The following CHST11 variants were observed in gnomAD, a reference collection of about 807,000 sequenced individuals.
The protein encoded by CHST11 is carbohydrate sulfotransferase 11.
A neutral mutation model predicts 30.4 loss-of-function variants in CHST11; 9 were observed. The ratio of observed to expected loss-of-function variants is 0.30; its 90% CI spans 0.18 to 0.52. CHST11 has a LOEUF of 0.52. Ranked by LOEUF, CHST11 falls within the 20% of genes least tolerant of loss-of-function variation. The pLI is 0.97. For missense variants in CHST11, 348 were observed against 460.6 expected (o/e 0.76, Z 2.24); for synonymous variants, 152 against 187.8 (o/e 0.81, Z 1.56).
At chr12:104,515,880 T>C (rs949494400) in intron 1 of CHST11, among the ~76,000 whole-genome samples, 1 of 152,182 alleles carries the variant, frequency 6.6e-6, no homozygotes, top group African/African-American at 2.4e-5. Context: ...GGTGCAAGCA[T>C]TGGAGATGGT....
intron 2 of CHST11, among the ~76,000 whole-genome samples, chr12:104,629,234 T>A (rs968853391): frequency 6.6e-6 from 1 of 152,228 alleles, no homozygotes; most frequent in Non-Finnish European, 1.5e-5. Flanking sequence ...ATACTTTTTT[T>A]AAATCCCACA....
intron 1 of CHST11, among the ~76,000 whole-genome samples, chr12:104,492,735 A>G (rs1437332449): frequency 6.6e-6 from 1 of 152,228 alleles, no homozygotes; most frequent in Non-Finnish European, 1.5e-5. Context: ...GGTTTTAGTA[A>G]TAAGAATCCA....
intron 2 of CHST11, among the ~76,000 whole-genome samples, chr12:104,657,139 A>G (rs995419849): frequency 1.3e-5 from 2 of 152,018 alleles, no homozygotes; most frequent in East Asian, 3.9e-4. Flanking sequence ...CTGCCATCCC[A>G]GTTTGTTTTT....
intron 1 of CHST11, among the ~76,000 whole-genome samples, chr12:104,598,063 T>C (rs1401905692): frequency 6.6e-6 from 1 of 152,208 alleles, no homozygotes; most frequent in Non-Finnish European, 1.5e-5. Context: ...GTGAACTGCT[T>C]GGCGAAGCAT....
chr12:104,468,651 T>G (rs1017927891), intron 1 of CHST11, among the ~76,000 whole-genome samples: 4 of 152,216 alleles, frequency 2.6e-5, no homozygotes, highest in African/African-American at 9.7e-5. Flanking sequence ...CCAATGCCCC[T>G]CCTTGAGAAA....
At chr12:104,520,058 T>C (rs1409282536) in intron 1 of CHST11, among the ~76,000 whole-genome samples, 2 of 152,212 alleles carry the variant, frequency 1.3e-5, no homozygotes, top group Non-Finnish European at 2.9e-5. Flanking sequence ...ATGTTCCTTA[T>C]GTCTTAGCTT....
intron 2 of CHST11, among the ~76,000 whole-genome samples, chr12:104,728,864 C>A (rs1255033668): frequency 1.3e-5 from 2 of 152,120 alleles, no homozygotes; most frequent in East Asian, 3.9e-4. Flanking sequence ...AAAGGGGAAG[C>A]TCCAAGGTAG....
At chr12:104,519,942 C>A (rs2038060069) in intron 1 of CHST11, among the ~76,000 whole-genome samples, 1 of 152,122 alleles carries the variant, frequency 6.6e-6, no homozygotes, top group Non-Finnish European at 1.5e-5. Context: ...GGACAGTAGT[C>A]TGGTTTTCCT....
chr12:104,579,571 T>C (rs2038719094), intron 1 of CHST11, among the ~76,000 whole-genome samples: 1 of 152,240 alleles, frequency 6.6e-6, no homozygotes, highest in African/African-American at 2.4e-5. Flanking sequence ...AATGGGCTAC[T>C]ATCTTACTGT....
chr12:104,544,322 T>C (rs1362778921), intron 1 of CHST11, among the ~76,000 whole-genome samples: 2 of 151,982 alleles, frequency 1.3e-5, no homozygotes, highest in African/African-American at 4.8e-5. Context: ...ACTGAGAAAA[T>C]GTAAACTATG....
At chr12:104,633,090 C>A (rs971242248) in intron 2 of CHST11, among the ~76,000 whole-genome samples, 1 of 152,156 alleles carries the variant, frequency 6.6e-6, no homozygotes, top group African/African-American at 2.4e-5. Context: ...TATAAATGCA[C>A]GAAAGCAGCT....
chr12:104,672,805 G>A (rs1036663053), intron 2 of CHST11, among the ~76,000 whole-genome samples: 15 of 152,226 alleles, frequency 9.9e-5, no homozygotes, highest in Non-Finnish European at 1.6e-4. Context: ...CATGCCTCCC[G>A]CATGGCACCT....
At chr12:104,720,731 GA>G (rs10711712) in intron 2 of CHST11, among the ~76,000 whole-genome samples, 60,472 of 148,746 alleles carry the variant, frequency 0.41, 13,289 homozygotes, top group East Asian at 0.6. Context: ...TTAAAAAGGG[GA>G]AAAAAAAAAT....
At chr12:104,575,286 A>G (rs980292052) in intron 1 of CHST11, among the ~76,000 whole-genome samples, 93 of 152,172 alleles carry the variant, frequency 6.1e-4, no homozygotes, top group African/African-American at 2.0e-3. Flanking sequence ...TAAACAGGAT[A>G]CACAATCCAG....
At chr12:104,616,658 G>C (rs1384225165) in intron 2 of CHST11, among the ~76,000 whole-genome samples, 1 of 152,140 alleles carries the variant, frequency 6.6e-6, no homozygotes, top group Non-Finnish European at 1.5e-5. Flanking sequence ...TAGAGGCAGG[G>C]TTTCACCACA....
At chr12:104,547,086 G>C (rs1052736252) in intron 1 of CHST11, among the ~76,000 whole-genome samples, 6 of 152,192 alleles carry the variant, frequency 3.9e-5, no homozygotes, top group Non-Finnish European at 8.8e-5. Context: ...TTTTTCTCTA[G>C]CTGAGTCTAG....
Position 104,693,257 on chromosome 12 carries a change from C to T in CHST11, c.205-63692C>T, listed in dbSNP as rs549571972. 2.8e-4 allele frequency among the ~76,000 whole-genome samples: 42 copies of T among 152,324 alleles called. 1 individual carries two copies. Among genetic ancestry groups the T allele is most frequent in the Admixed American group, 9.8e-4 (15 of 15,302 alleles). ...TCTGAAGTGCTGGGGGCTAAGACTT[C>T]AACATATAAATTTGAAGGGGTCACA... On this transcript the variant is annotated intron_variant, in intron 2 of 2. Transcript: ENST00000303694.
chr12:104,746,376 G>T (rs904538271), intron 2 of CHST11, among the ~76,000 whole-genome samples: 5 of 152,134 alleles, frequency 3.3e-5, no homozygotes, highest in African/African-American at 1.2e-4. Flanking sequence ...CAAATCCTGG[G>T]CTTTCCTTTC....
intron 1 of CHST11, among the ~76,000 whole-genome samples, chr12:104,532,035 A>G (rs2038190483): frequency 6.6e-6 from 1 of 152,124 alleles, no homozygotes; most frequent in Non-Finnish European, 1.5e-5. Context: ...GGGCAGCTGC[A>G]CTCCAAAACT....
Sources: gnomAD v4.1 joint callset for allele counts (sites outside exome capture counted in the v4.1 genomes callset) on GRCh38, gnomAD v4.1.1 for gene constraint, MANE v1.5 for transcripts, NCBI Gene and HGNC (gene_info 2026-07-23, HGNC 2026-07-21) for gene names.